C12orf42: variants seen among roughly 807,000 people sequenced by gnomAD.
The protein encoded by C12orf42 is uncharacterized protein C12orf42.
A neutral mutation model predicts 21.6 loss-of-function variants in C12orf42; 25 were observed. The observed-to-expected ratio is 1.16, with a 90% CI of 0.84 to 1.62. The LOEUF (loss-of-function observed/expected upper bound fraction) is 1.62, where lower values mean the gene tolerates loss of function less well. Ranked by LOEUF, C12orf42 falls within the 40% of genes most tolerant of loss-of-function variation. The pLI, the probability that C12orf42 is intolerant of heterozygous loss-of-function variation, is 0.00. For missense variants in C12orf42, 483 were observed against 459.3 expected, an observed-to-expected ratio of 1.05 and a Z score of -0.47; for synonymous variants, 174 against 175.0, an observed-to-expected ratio of 0.99 and a Z score of 0.05.
the C12orf42 span, among the ~76,000 whole-genome samples, chr12:103,079,719 G>T: frequency 2.6e-4 from 40 of 152,158 alleles, no homozygotes; most frequent in African/African-American, 9.2e-4. Flanking sequence ...GCTTATCATA[G>T]TCATTTAGGG....
At chr12:103,126,745 C>G in the C12orf42 span, among the ~76,000 whole-genome samples, 2 of 149,932 alleles carry the variant, frequency 1.3e-5, no homozygotes, top group African/African-American at 4.9e-5. Context: ...TCGTTTTTTC[C>G]GAAATAAGAC....
At chr12:103,381,624 TTGC>T (rs1566198021) in intron 3 of C12orf42, among the ~76,000 whole-genome samples, 1 of 152,144 alleles carries the variant, frequency 6.6e-6, no homozygotes, top group Non-Finnish European at 1.5e-5. Flanking sequence ...CTTGGGCAAA[TTGC>T]TTTATCTTGG....
chr12:103,261,189 G>A (rs1250371700), intron 10 of C12orf42, among the ~76,000 whole-genome samples: 1 of 151,858 alleles, frequency 6.6e-6, no homozygotes, highest in East Asian at 1.9e-4. Context: ...TAATGTATGG[G>A]GCCAGATGCA....
chr12:103,113,560 T>C, the C12orf42 span, among the ~76,000 whole-genome samples: 22 of 149,288 alleles, frequency 1.5e-4, no homozygotes, highest in African/African-American at 5.7e-4. Flanking sequence ...ACATTTTGGG[T>C]TGTTACAATT....
chr12:103,218,460 C>T, the C12orf42 span, among the ~76,000 whole-genome samples: 2 of 152,122 alleles, frequency 1.3e-5, no homozygotes, highest in African/African-American at 4.8e-5. Flanking sequence ...CACTCTTTGA[C>T]CTCTCTAGTA....
At chr12:103,122,767 A>G in the C12orf42 span, among the ~76,000 whole-genome samples, 1 of 152,188 alleles carries the variant, frequency 6.6e-6, no homozygotes, top group Non-Finnish European at 1.5e-5. Flanking sequence ...TTATGACAGG[A>G]GAGTCTTGCA....
At chr12:103,072,721 A>G in the C12orf42 span, among the ~76,000 whole-genome samples, 3 of 152,158 alleles carry the variant, frequency 2.0e-5, no homozygotes, top group African/African-American at 7.2e-5. Flanking sequence ...TTACGCTTCC[A>G]CCAACAGTGT....
rs773446119 is a variant in C12orf42, at chr12:103,368,914, G to A, written c.232C>T (p.Arg78Cys). The change falls in exon 4 of 6, where the codon CGT becomes TGT. Residue 78 changes from arginine to cysteine, a missense_variant. Coordinates refer to ENST00000548883, the MANE Select transcript of C12orf42 (RefSeq NM_198521.5). ...GGAAAATTCAGAAAGTGTAGACTAC[G>A]AAATTTAGGAGATTCAGAGAAATTC... Reference protein sequence around the residue: ...MKNFSESPKFRSLHFLNFPVF... With the variant: ...MKNFSESPKFCSLHFLNFPVF... 33 of 1,587,356 alleles carry A rather than the reference G, an allele frequency of 2.1e-5. 1 individual carries two copies. Among genetic ancestry groups the A allele is most frequent in the South Asian group, 1.5e-4 (13 of 87,600 alleles).
chr12:103,374,607 T>C (rs2138041195), intron 3 of C12orf42, among the ~76,000 whole-genome samples: 1 of 152,176 alleles, frequency 6.6e-6, no homozygotes, highest in East Asian at 1.9e-4. Context: ...TCACTCTAGG[T>C]CAGGGGTGTC....
intron 1 of C12orf42, among the ~76,000 whole-genome samples, chr12:103,479,705 T>A (rs143221870): frequency 6.6e-6 from 1 of 152,204 alleles, no homozygotes; most frequent in Non-Finnish European, 1.5e-5. Flanking sequence ...GAAGATTGTA[T>A]ATTTCCTTTC....
At chr12:103,165,015 G>C in the C12orf42 span, among the ~76,000 whole-genome samples, 1 of 152,196 alleles carries the variant, frequency 6.6e-6, no homozygotes. Flanking sequence ...TGTAAAGTTG[G>C]ATCCTGAGTG....
the C12orf42 span, chr12:103,164,556 G>C: frequency 1.9e-5 from 8 of 430,202 alleles, no homozygotes; most frequent in South Asian, 1.2e-4. Flanking sequence ...GGCACAGGGG[G>C]TGGGTGCCAG....
chr12:103,192,580 A>G, the C12orf42 span, among the ~76,000 whole-genome samples: 2 of 152,148 alleles, frequency 1.3e-5, no homozygotes, highest in Non-Finnish European at 2.9e-5. Flanking sequence ...GGTAACCAAA[A>G]GAGAGAATAG....
the C12orf42 span, among the ~76,000 whole-genome samples, chr12:103,553,533 A>T: frequency 6.6e-6 from 1 of 152,212 alleles, no homozygotes; most frequent in East Asian, 1.9e-4. Flanking sequence ...CGTCTTCACC[A>T]GCAACATTGT....
the C12orf42 span, among the ~76,000 whole-genome samples, chr12:103,097,344 C>T: frequency 6.6e-6 from 1 of 152,130 alleles, no homozygotes; most frequent in Non-Finnish European, 1.5e-5. Flanking sequence ...TTAAGAGAAA[C>T]ATCTGATTAA....
chr12:103,088,352 G>A, the C12orf42 span, among the ~76,000 whole-genome samples: 2 of 152,192 alleles, frequency 1.3e-5, no homozygotes, highest in African/African-American at 4.8e-5. Context: ...AGAAATAGGG[G>A]ACTTCTATAT....
intron 4 of C12orf42, among the ~76,000 whole-genome samples, chr12:103,350,408 T>C (rs901803911): frequency 6.6e-6 from 1 of 152,186 alleles, no homozygotes; most frequent in Non-Finnish European, 1.5e-5. Context: ...TGTCACAATA[T>C]CGCAGTGCTT....
At chr12:103,482,715 A>C (rs1954556119) in intron 1 of C12orf42, among the ~76,000 whole-genome samples, 2 of 151,980 alleles carry the variant, frequency 1.3e-5, no homozygotes, top group Non-Finnish European at 2.9e-5. Context: ...TGTTTCTATT[A>C]TCCTTATGGA....
chr12:103,339,763 C>T (rs758268395), intron 4 of C12orf42, among the ~76,000 whole-genome samples: 1 of 152,142 alleles, frequency 6.6e-6, no homozygotes, highest in Non-Finnish European at 1.5e-5. Flanking sequence ...ATCAAATACA[C>T]TTTTGTTATA....
Sources: gnomAD v4.1 joint callset for allele counts (sites outside exome capture counted in the v4.1 genomes callset) on GRCh38, gnomAD v4.1.1 for gene constraint, MANE v1.5 for transcripts, NCBI Gene and HGNC (gene_info 2026-07-23, HGNC 2026-07-21) for gene names.